The following ASAP1 variants were observed in gnomAD, a reference collection of about 807,000 sequenced individuals.
ASAP1 encodes the protein ArfGAP with SH3 domain, ankyrin repeat and PH domain 1, also known as arf-GAP with SH3 domain, ANK repeat and PH domain-containing protein 1.
Under a neutral mutation model 145.2 loss-of-function variants are expected in ASAP1, and 43 were observed. That is an observed-to-expected ratio of 0.30 (90% confidence interval 0.23 to 0.38). The LOEUF (loss-of-function observed/expected upper bound fraction) is 0.38, where lower values mean the gene tolerates loss of function less well. Ranked by LOEUF, ASAP1 falls within the 10% of genes least tolerant of loss-of-function variation. The pLI is 1.00. For missense variants in ASAP1, 1,018 were observed against 1,355.3 expected (o/e 0.75, Z 3.91); for synonymous variants, 546 against 515.5 (o/e 1.06, Z -0.80).
chr8:130,061,134 A>G (rs2097418682), intron 27 of ASAP1, 65 bp from the exon 28 acceptor site: 2 of 1,510,808 alleles, frequency 1.3e-6, no homozygotes, highest in Admixed American at 2.3e-5. Flanking sequence ...TCAGTCACCT[A>G]AAAGAGGCAC....
At chr8:130,441,393 G>A (rs1326340079) in intron 1 of ASAP1, among the ~76,000 whole-genome samples, 1 of 152,180 alleles carries the variant, frequency 6.6e-6, no homozygotes, top group Admixed American at 6.5e-5. Context: ...CTCACGTGGG[G>A]ATCACTCATG....
At chr8:130,200,502 C>A (rs977829156) in intron 5 of ASAP1, among the ~76,000 whole-genome samples, 1 of 151,962 alleles carries the variant, frequency 6.6e-6, no homozygotes, top group African/African-American at 2.4e-5. Context: ...AAAATGTTAT[C>A]GGTGGAAAAC....
chr8:130,100,241 T>C (rs1360424617), intron 24 of ASAP1, among the ~76,000 whole-genome samples: 2 of 152,250 alleles, frequency 1.3e-5, no homozygotes, highest in Non-Finnish European at 2.9e-5. Flanking sequence ...ATTGTGGTTT[T>C]GATTTACATT....
intron 25 of ASAP1, 124 bp downstream of exon 25, chr8:130,091,849 T>A (rs760290310): frequency 9.5e-7 from 1 of 1,054,964 alleles, no homozygotes; most frequent in African/African-American, 1.7e-5. Flanking sequence ...TATACCCGAG[T>A]CAGCACCCAG....
At chr8:130,254,766 T>C (rs1172835824) in intron 3 of ASAP1, among the ~76,000 whole-genome samples, 1 of 152,172 alleles carries the variant, frequency 6.6e-6, no homozygotes, top group African/African-American at 2.4e-5. Flanking sequence ...AAGTAACTCT[T>C]AAAATGGTAC....
intron 4 of ASAP1, among the ~76,000 whole-genome samples, chr8:130,236,562 TGAA>T (rs2136667844): frequency 6.6e-6 from 1 of 152,268 alleles, no homozygotes; most frequent in South Asian, 2.1e-4. Context: ...ACAGGTACAC[TGAA>T]GAAGGGAAAA....
chr8:130,380,582 G>C (rs1020558883), intron 2 of ASAP1, among the ~76,000 whole-genome samples: 1 of 152,178 alleles, frequency 6.6e-6, no homozygotes, highest in African/African-American at 2.4e-5. Context: ...GTCAAGAGGT[G>C]ACTATAACCC....
chr8:130,411,344 C>T (rs1046794265), intron 1 of ASAP1, among the ~76,000 whole-genome samples: 1 of 152,338 alleles, frequency 6.6e-6, no homozygotes, highest in African/African-American at 2.4e-5. Context: ...GAAATGAATG[C>T]TTCTAGCTGT....
chr8:130,372,883 T>C (rs776520850), intron 2 of ASAP1, among the ~76,000 whole-genome samples: 1 of 152,092 alleles, frequency 6.6e-6, no homozygotes, highest in Non-Finnish European at 1.5e-5. Flanking sequence ...CTCATGCATA[T>C]GGACACATGG....
In ASAP1 at chr8:130,159,853, C is replaced by T. The variant is rs978888962; in HGVS notation, c.1010+11G>A. ...TCACACACTGAGACACTGGGCTGGG[C>T]TCATACATACCCGTCACTTTTCTTT... On this transcript the variant is annotated intron_variant, in intron 12 of 29. Coordinates refer to ENST00000518721, the MANE Select transcript of ASAP1 (RefSeq NM_018482.4). 5 of 1,601,546 alleles carry T rather than the reference C, an allele frequency of 3.1e-6. No individual in the cohort carries two copies. The highest frequency in any genetic ancestry group is 4.3e-6 in the Non-Finnish European group (5 of 1,168,810).
At chr8:130,378,049 T>G (rs1023523840) in intron 2 of ASAP1, among the ~76,000 whole-genome samples, 2 of 152,210 alleles carry the variant, frequency 1.3e-5, no homozygotes, top group Admixed American at 1.3e-4. Context: ...GATAATGTTG[T>G]TTCCCAGTGA....
chr8:130,283,599 A>G (rs1287207680), intron 3 of ASAP1, among the ~76,000 whole-genome samples: 1 of 142,210 alleles, frequency 7.0e-6, no homozygotes, highest in African/African-American at 2.7e-5. Flanking sequence ...AAAAAAAAAA[A>G]AAAAAAAAAA....
chr8:130,228,546 C>T (rs77218014), intron 4 of ASAP1, among the ~76,000 whole-genome samples: 3,073 of 151,694 alleles, frequency 0.02, 102 homozygotes, highest in African/African-American at 0.069. Context: ...ACAAAAACCA[C>T]AAAAATTAGC....
chr8:130,437,135 A>C (rs931326675), intron 1 of ASAP1, among the ~76,000 whole-genome samples: 1 of 152,144 alleles, frequency 6.6e-6, no homozygotes, highest in African/African-American at 2.4e-5. Context: ...TAAAAATTAA[A>C]ACTCGATGAA....
intron 1 of ASAP1, among the ~76,000 whole-genome samples, chr8:130,417,622 A>C (rs550869755): frequency 0.02 from 2,954 of 149,566 alleles, 101 homozygotes; most frequent in African/African-American, 0.072. Flanking sequence ...TTCAGGGGAA[A>C]AAAAAAAAAA....
At chr8:130,122,745 A>C (rs1429332547) in intron 18 of ASAP1, among the ~76,000 whole-genome samples, 1 of 152,254 alleles carries the variant, frequency 6.6e-6, no homozygotes, top group Non-Finnish European at 1.5e-5. Flanking sequence ...GGAGAATCAC[A>C]GACATTTTGA....
intron 15 of ASAP1, among the ~76,000 whole-genome samples, chr8:130,128,894 CA>C (rs905039581): frequency 1.3e-5 from 2 of 152,032 alleles, no homozygotes; most frequent in Non-Finnish European, 1.5e-5. Context: ...AAATCAACAA[CA>C]AAAAAACCTA....
Position 130,377,592 on chromosome 8 carries a change from G to A in ASAP1, c.60-19449C>T, listed in dbSNP as rs560747132. 1.5e-4 allele frequency among the ~76,000 whole-genome samples: 23 copies of A among 152,356 alleles called. 1 individual carries two copies. The highest frequency in any genetic ancestry group is 5.3e-4 in the African/African-American group (22 of 41,580). On this transcript the variant is annotated intron_variant, in intron 2 of 29. Coordinates refer to ENST00000518721, the MANE Select transcript of ASAP1 (RefSeq NM_018482.4). ...AGCCTATGGTCAATCAGAGTATGCAGATGGCCTGCCAGGCCCACTCTGTAC... is the reference window on the plus strand; with the variant it reads ...AGCCTATGGTCAATCAGAGTATGCAAATGGCCTGCCAGGCCCACTCTGTAC...
At chr8:130,156,722 T>C (rs371380356) in intron 12 of ASAP1, among the ~76,000 whole-genome samples, 2 of 152,208 alleles carry the variant, frequency 1.3e-5, no homozygotes, top group East Asian at 3.8e-4. Flanking sequence ...TTACTGTCCG[T>C]ATGATCTTAG....
Sources: gnomAD v4.1 joint callset for allele counts (sites outside exome capture counted in the v4.1 genomes callset) on GRCh38, gnomAD v4.1.1 for gene constraint, MANE v1.5 for transcripts, NCBI Gene and HGNC (gene_info 2026-07-23, HGNC 2026-07-21) for gene names.